The following TAFA4 variants were observed in gnomAD, a reference collection of about 807,000 sequenced individuals.
TAFA4 encodes the protein TAFA chemokine like family member 4.
Under a neutral mutation model 21.1 loss-of-function variants are expected in TAFA4, and 20 were observed. The ratio of observed to expected loss-of-function variants is 0.95; its 90% confidence interval spans 0.67 to 1.38. TAFA4 has a LOEUF of 1.38. Among genes scored for constraint, TAFA4 ranks in the 40% most tolerant of loss-of-function variants. TAFA4 has a pLI of 0.00. For synonymous variants in TAFA4, 71 were observed against 67.4 expected, an observed-to-expected ratio of 1.05 and a Z score of -0.26; for missense variants, 211 against 180.9, an observed-to-expected ratio of 1.17 and a Z score of -0.95.
chr3:68,819,887 C>A (rs1030505508), intron 3 of TAFA4, among the ~76,000 whole-genome samples: 2 of 152,088 alleles, frequency 1.3e-5, no homozygotes, highest in African/African-American at 4.8e-5. Flanking sequence ...ATTCCTTTGA[C>A]AAAATTAAAA....
At chr3:68,914,738 G>A (rs1042278660) in intron 1 of TAFA4, among the ~76,000 whole-genome samples, 1 of 152,124 alleles carries the variant, frequency 6.6e-6, no homozygotes, top group Non-Finnish European at 1.5e-5. Flanking sequence ...ATGGAGAAGT[G>A]GGCACACAGT....
At chr3:68,744,042 C>G in intron 4 of TAFA4, among the ~76,000 whole-genome samples, 1 of 152,162 alleles carries the variant, frequency 6.6e-6, no homozygotes, top group East Asian at 1.9e-4. Context: ...TAAATGTTGA[C>G]AGAGCTTAGT....
At chr3:68,793,295 A>G (rs1703397286) in intron 3 of TAFA4, among the ~76,000 whole-genome samples, 1 of 152,188 alleles carries the variant, frequency 6.6e-6, no homozygotes, top group East Asian at 1.9e-4. Context: ...TCCACCAAGC[A>G]GACTGAAAAA....
intron 1 of TAFA4, among the ~76,000 whole-genome samples, chr3:68,915,676 A>C (rs1287657575): frequency 6.6e-6 from 1 of 152,210 alleles, no homozygotes; most frequent in Non-Finnish European, 1.5e-5. Context: ...GTAAGAAAGA[A>C]TTAGAACAGG....
At chr3:68,781,229 T>C (rs1703148396) in intron 3 of TAFA4, among the ~76,000 whole-genome samples, 1 of 151,442 alleles carries the variant, frequency 6.6e-6, no homozygotes. Context: ...TCCATATAAC[T>C]TAAAACTATA....
chr3:68,873,706 C>A (rs1191125315), intron 3 of TAFA4, among the ~76,000 whole-genome samples: 1 of 152,148 alleles, frequency 6.6e-6, no homozygotes, highest in Non-Finnish European at 1.5e-5. Context: ...TTTGAAAGTG[C>A]CACTTGAAAG....
intron 4 of TAFA4, among the ~76,000 whole-genome samples, chr3:68,746,293 G>A (rs750210342): frequency 1.9e-4 from 29 of 152,090 alleles, no homozygotes; most frequent in Non-Finnish European, 3.4e-4. Context: ...TACTGTGTGA[G>A]TTAATACTCC....
In TAFA4 at chr3:68,910,831, A is replaced by G. The variant is rs1348125346; in HGVS notation, c.-123+21409T>C. Among the ~76,000 whole-genome samples, 6 of 152,200 alleles carry G rather than the reference A, an allele frequency of 3.9e-5. No individual in the cohort carries two copies. The South Asian group carries it at 8.3e-4, about 21-fold the overall frequency. ...AGTTCAGCACCAAATCTCATGTGCA[A>G]TCAGATTCCATTGTACCAACCTCAT... On this transcript the variant is annotated intron_variant, in intron 1 of 5. Coordinates refer to ENST00000295569, the MANE Select transcript of TAFA4 (RefSeq NM_182522.5).
intron 1 of TAFA4, among the ~76,000 whole-genome samples, chr3:68,892,799 A>T (rs1226260929): frequency 6.6e-6 from 1 of 152,190 alleles, no homozygotes; most frequent in Non-Finnish European, 1.5e-5. Flanking sequence ...ATGAAGAAAA[A>T]CTCTAGCCTT....
chr3:68,735,881 G>A (rs1245715026), intron 5 of TAFA4, among the ~76,000 whole-genome samples: 3 of 152,110 alleles, frequency 2.0e-5, no homozygotes, highest in Admixed American at 1.3e-4. Context: ...GAAGCTGTCT[G>A]TGCTTTGTAG....
chr3:68,883,633 G>A (rs1276951221), intron 2 of TAFA4, among the ~76,000 whole-genome samples: 3 of 152,170 alleles, frequency 2.0e-5, no homozygotes, highest in South Asian at 2.1e-4. Context: ...AAGAGAAAGA[G>A]TTTAACTTGA....
chr3:68,858,384 C>T (rs569209149), intron 3 of TAFA4, among the ~76,000 whole-genome samples: 104 of 151,374 alleles, frequency 6.9e-4, no homozygotes, highest in Non-Finnish European at 1.2e-3. Flanking sequence ...ACACCGTTAA[C>T]GCAGTGTACC....
At chr3:68,843,132 C>G (rs79286025) in intron 3 of TAFA4, among the ~76,000 whole-genome samples, 1 of 152,124 alleles carries the variant, frequency 6.6e-6, no homozygotes, top group Non-Finnish European at 1.5e-5. Context: ...GGCAGTATGG[C>G]CATTTTCACA....
chr3:68,931,238 G>A (rs1176564973), intron 1 of TAFA4, among the ~76,000 whole-genome samples: 1 of 151,964 alleles, frequency 6.6e-6, no homozygotes, highest in Admixed American at 6.5e-5. Flanking sequence ...AGTTAAAAGG[G>A]AAAAGAGTTC....
intron 1 of TAFA4, among the ~76,000 whole-genome samples, chr3:68,908,662 A>G (rs2089927262): frequency 6.6e-6 from 1 of 152,236 alleles, no homozygotes; most frequent in African/African-American, 2.4e-5. Flanking sequence ...TGCTCTCCGC[A>G]TGGAAAAGGA....
At chr3:68,751,268 C>T (rs1005730181) in intron 4 of TAFA4, among the ~76,000 whole-genome samples, 14 of 152,092 alleles carry the variant, frequency 9.2e-5, no homozygotes, top group African/African-American at 3.4e-4. Flanking sequence ...AGTGGGAAGC[C>T]ACTAAAGTGT....
At chr3:68,763,999 G>A (rs1482403336) in intron 3 of TAFA4, among the ~76,000 whole-genome samples, 1 of 152,078 alleles carries the variant, frequency 6.6e-6, no homozygotes, top group Non-Finnish European at 1.5e-5. Context: ...TTACTTCTTA[G>A]TGAACCTAAT....
intron 3 of TAFA4, among the ~76,000 whole-genome samples, chr3:68,877,525 A>T (rs909227111): frequency 2.0e-5 from 3 of 152,112 alleles, no homozygotes; most frequent in African/African-American, 7.2e-5. Context: ...ACTACTTCCC[A>T]ATCAGTGATA....
chr3:68,839,933 C>CT (rs761047845), intron 3 of TAFA4, among the ~76,000 whole-genome samples: 1 of 152,326 alleles, frequency 6.6e-6, no homozygotes, highest in East Asian at 1.9e-4. Context: ...AAATGAAGCA[C>CT]TAGCCACAGA....
Sources: gnomAD v4.1 joint callset for allele counts (sites outside exome capture counted in the v4.1 genomes callset) on GRCh38, gnomAD v4.1.1 for gene constraint, MANE v1.5 for transcripts, NCBI Gene and HGNC (gene_info 2026-07-23, HGNC 2026-07-21) for gene names.